The following SGMS1 variants were observed in gnomAD, a reference collection of about 807,000 sequenced individuals.
SGMS1 encodes the protein sphingomyelin synthase 1.
In SGMS1, 13 loss-of-function variants were observed where a neutral mutation model predicts 46.2. The ratio of observed to expected loss-of-function variants is 0.28; its 90% CI spans 0.18 to 0.45. SGMS1 has a LOEUF of 0.45. Ranked by LOEUF, SGMS1 falls within the 20% of genes least tolerant of loss-of-function variation. The pLI, the probability that SGMS1 is intolerant of heterozygous loss-of-function variation, is 1.00. For missense variants in SGMS1, 324 were observed against 519.9 expected (o/e 0.62, Z 3.66); for synonymous variants, 203 against 187.8 (o/e 1.08, Z -0.66).
At chr10:50,373,423 T>G (rs1848473228) in intron 6 of SGMS1, among the ~76,000 whole-genome samples, 1 of 152,178 alleles carries the variant, frequency 6.6e-6, no homozygotes, top group African/African-American at 2.4e-5. Context: ...CTGGATGCAT[T>G]AATACCCAAA....
chr10:50,488,626 T>C (rs190964601), intron 3 of SGMS1, among the ~76,000 whole-genome samples: 2 of 152,200 alleles, frequency 1.3e-5, no homozygotes, highest in Non-Finnish European at 2.9e-5. Flanking sequence ...TCATTCTCCA[T>C]ATAAGAATAA....
chr10:50,340,441 A>G (rs1847798543), intron 7 of SGMS1: 2 of 152,224 alleles, frequency 1.3e-5, no homozygotes, highest in Admixed American at 6.5e-5. Flanking sequence ...AATTTTTCCT[A>G]GTCAGTGGCT....
At chr10:50,363,325 T>C (rs184063429) in intron 6 of SGMS1, among the ~76,000 whole-genome samples, 1 of 152,300 alleles carries the variant, frequency 6.6e-6, no homozygotes, top group East Asian at 1.9e-4. Flanking sequence ...CAAGGAGCCC[T>C]AAGCCAGCAA....
At chr10:50,345,126 T>TA (rs11395568) in intron 6 of SGMS1, among the ~76,000 whole-genome samples, 71,980 of 148,856 alleles carry the variant, frequency 0.48, 17,370 homozygotes, top group Admixed American at 0.59. Flanking sequence ...TTATATTCTT[T>TA]AAAAAAAAAA....
At chr10:50,538,397 G>T (rs917433095) in intron 2 of SGMS1, among the ~76,000 whole-genome samples, 2 of 147,446 alleles carry the variant, frequency 1.4e-5, no homozygotes, top group Admixed American at 1.4e-4. Context: ...GGCGGAGCTT[G>T]CAGTGAGCCA....
intron 2 of SGMS1, among the ~76,000 whole-genome samples, chr10:50,520,537 C>G (rs962413429): frequency 2.0e-5 from 3 of 152,106 alleles, no homozygotes; most frequent in African/African-American, 7.2e-5. Flanking sequence ...GCTGAAATTC[C>G]CAAAGGTTGG....
chr10:50,435,300 G>T (rs577657090), intron 5 of SGMS1, among the ~76,000 whole-genome samples: 7 of 152,184 alleles, frequency 4.6e-5, no homozygotes, highest in Non-Finnish European at 1.0e-4. Context: ...TATATGCACT[G>T]TGTCCATCAT....
In SGMS1 at chr10:50,487,318, C is replaced by G. The variant is rs147449937; in HGVS notation, c.-497-20386G>C. On this transcript the variant is annotated intron_variant, in intron 3 of 10. Coordinates refer to ENST00000361781, the MANE Select transcript of SGMS1 (RefSeq NM_147156.4). ...TGGACACAGGGAGGGGAACAGCACA[C>G]ACAGGGTCTGTCAGGGGAAGGGGGT... is the stretch of plus-strand genomic sequence containing the variant. Among the ~76,000 whole-genome samples the G allele has an allele frequency of 1.3e-4, 20 of 152,226 alleles. No individual in the cohort carries two copies. The East Asian group carries it at 3.7e-3, about 28-fold the overall frequency.
chr10:50,567,490 T>A (rs1838299070), intron 2 of SGMS1, among the ~76,000 whole-genome samples: 2 of 152,260 alleles, frequency 1.3e-5, no homozygotes, highest in South Asian at 4.1e-4. Context: ...GACTTTAAAA[T>A]CTGGATTTCC....
At chr10:50,338,035 T>C (rs1257375305) in intron 7 of SGMS1, among the ~76,000 whole-genome samples, 2 of 152,176 alleles carry the variant, frequency 1.3e-5, no homozygotes, top group Non-Finnish European at 2.9e-5. Flanking sequence ...ACAAAACCCC[T>C]AGAAACAGTT....
chr10:50,328,897 C>T (rs4935618), intron 7 of SGMS1, among the ~76,000 whole-genome samples: 88,531 of 151,940 alleles, frequency 0.58, 26,520 homozygotes, highest in East Asian at 0.85. Flanking sequence ...AAAAGAAATA[C>T]CAAAGTAAAT....
At chr10:50,400,435 A>G (rs1365199281) in intron 6 of SGMS1, among the ~76,000 whole-genome samples, 2 of 42,006 alleles carry the variant, frequency 4.8e-5, no homozygotes, top group Non-Finnish European at 1.0e-4. Context: ...ATATATATAT[A>G]TATATATATA....
intron 7 of SGMS1, among the ~76,000 whole-genome samples, chr10:50,331,162 A>T (rs756419626): frequency 6.6e-6 from 1 of 152,204 alleles, no homozygotes; most frequent in Non-Finnish European, 1.5e-5. Flanking sequence ...CAAAGTTTCT[A>T]TTGAGGTATT....
rs547752874 is a variant in SGMS1 at position 50,448,739 on chromosome 10, C to T, written c.-313+11934G>A. ...AGCCTGAGCAACAAGAGTGAAACTC[C>T]GCCAAAAAAAAAAAAAAAAAAAGAA... is the stretch of plus-strand genomic sequence containing the variant. On this transcript the variant is annotated intron_variant, in intron 5 of 10. Transcript: ENST00000361781. Among the ~76,000 whole-genome samples the T allele has an allele frequency of 1.3e-3, 97 of 74,350 alleles. 1 individual carries two copies. The highest frequency in any genetic ancestry group is 5.5e-3 in the African/African-American group (88 of 15,874). 48.8% of individuals were successfully genotyped at this position (74,350 alleles called of 152,430 possible). A position where few individuals can be genotyped will look rare whatever the true frequency, so the allele number is the denominator to read the frequency against.
chr10:50,335,340 T>C (rs1847698813), intron 7 of SGMS1: 1 of 152,286 alleles, frequency 6.6e-6, no homozygotes, highest in African/African-American at 2.4e-5. Context: ...CTGGGAGGAA[T>C]GGAAATGCCA....
upstream of SGMS1, chr10:50,624,899 G>C: frequency 3.0e-6 from 3 of 1,003,394 alleles, no homozygotes; most frequent in Non-Finnish European, 3.6e-6. Flanking sequence ...GGGAAGGGGC[G>C]CGGCTACGGG....
At chr10:50,334,323 T>C (rs1245277713) in intron 7 of SGMS1, among the ~76,000 whole-genome samples, 8 of 152,222 alleles carry the variant, frequency 5.3e-5, no homozygotes, top group African/African-American at 1.9e-4. Context: ...TATGTGTACA[T>C]ATATGTGTGT....
intron 1 of SGMS1, among the ~76,000 whole-genome samples, chr10:50,603,626 T>G (rs977216625): frequency 1.3e-5 from 2 of 152,020 alleles, no homozygotes; most frequent in Non-Finnish European, 2.9e-5. Flanking sequence ...ACAAAAAAAT[T>G]GAGGGGTAAA....
At chr10:50,432,191 T>C (rs1002534062) in intron 6 of SGMS1, among the ~76,000 whole-genome samples, 2 of 152,150 alleles carry the variant, frequency 1.3e-5, no homozygotes, top group African/African-American at 4.8e-5. Flanking sequence ...CTAGAACCAA[T>C]TGTTAAATTC....
Sources: allele counts gnomAD v4.1 joint callset (sites outside exome capture counted in the v4.1 genomes callset), GRCh38; gene constraint gnomAD v4.1.1; transcripts MANE v1.5; gene names NCBI Gene and HGNC (gene_info 2026-07-23, HGNC 2026-07-21).